Variants in PPP1R3A observed in about 807,000 individuals in gnomAD.
The protein encoded by PPP1R3A is protein phosphatase 1 regulatory subunit 3A.
A neutral mutation model predicts 41.7 loss-of-function variants in PPP1R3A; 29 were observed. That is an observed-to-expected ratio of 0.70 (90% confidence interval 0.52 to 0.95). The LOEUF is 0.95. Among genes scored for constraint, PPP1R3A ranks in the 40% least tolerant of loss-of-function variants. PPP1R3A has a pLI of 0.00. For missense variants in PPP1R3A, 1,352 were observed against 1,292.4 expected (o/e 1.05, Z -0.71); for synonymous variants, 485 against 453.4 (o/e 1.07, Z -0.89).
Position 113,879,943 on chromosome 7 carries a change from G to T in PPP1R3A, c.1149C>A (p.Ser383=). ...SLSPSSSAES[S]VKGDFYCNEK... Reference sequence around the variant, plus strand: ...CATTGCAGTAAAAATCTCCCTTTACGGAGCTTTCTGCTGATGAACTTGGAG... The same window carrying T: ...CATTGCAGTAAAAATCTCCCTTTACTGAGCTTTCTGCTGATGAACTTGGAG... The change falls in exon 4 of 4, where the codon TCC becomes TCA. Residue 383 remains serine, a synonymous_variant. Coordinates refer to ENST00000284601, the MANE Select transcript of PPP1R3A (RefSeq NM_002711.4). The T allele has an allele frequency of 6.2e-7, 1 of 1,613,466 alleles. No homozygotes were observed. The highest frequency in any genetic ancestry group is 8.5e-7 in the Non-Finnish European group (1 of 1,179,654).
intron 1 of PPP1R3A, among the ~76,000 whole-genome samples, chr7:113,913,348 C>T (rs1797283687): frequency 6.6e-6 from 1 of 152,104 alleles, no homozygotes; most frequent in African/African-American, 2.4e-5. Context: ...TTTCCCAATG[C>T]TTTTCTTGGC....
In PPP1R3A at chr7:113,880,680, G is replaced by A. The variant is rs576198133; in HGVS notation, c.967-555C>T. On this transcript the variant is annotated intron_variant, in intron 3 of 3. Coordinates refer to ENST00000284601, the MANE Select transcript of PPP1R3A (RefSeq NM_002711.4). ...AAATGTATTTGAGCTCTTCAGTGAT[G>A]CCAACTGTCAGGATTTAACAGTGAG... Among the ~76,000 whole-genome samples, 80 of 150,198 alleles carry A rather than the reference G, an allele frequency of 5.3e-4. 1 individual carries two copies. Among genetic ancestry groups the A allele is most frequent in the Non-Finnish European group, 1.0e-3 (71 of 67,634 alleles).
intron 1 of PPP1R3A, among the ~76,000 whole-genome samples, chr7:113,910,935 A>G (rs1348813455): frequency 1.3e-5 from 2 of 152,112 alleles, no homozygotes; most frequent in African/African-American, 4.8e-5. Context: ...CCTTTTTACT[A>G]CTGCAAATTT....
At chr7:113,902,432 C>T (rs1022355311) in intron 1 of PPP1R3A, among the ~76,000 whole-genome samples, 3 of 151,852 alleles carry the variant, frequency 2.0e-5, no homozygotes, top group African/African-American at 7.2e-5. Context: ...TCTAATTGTA[C>T]ACTACATCTC....
intron 1 of PPP1R3A, among the ~76,000 whole-genome samples, chr7:113,882,657 T>C (rs1277060288): frequency 2.0e-5 from 3 of 151,952 alleles, no homozygotes; most frequent in South Asian, 2.1e-4. Context: ...CTTCAATGAA[T>C]TTCATCTTTT....
chr7:113,904,558 C>G (rs943205114), intron 1 of PPP1R3A, among the ~76,000 whole-genome samples: 7 of 151,642 alleles, frequency 4.6e-5, no homozygotes, highest in African/African-American at 1.7e-4. Flanking sequence ...GAGATTCTTA[C>G]CTGGTTTTGT....
rs976127936 is a variant in PPP1R3A at position 113,879,762 on chromosome 7, G to T, written c.1330C>A (p.Pro444Thr). The T allele has an allele frequency of 6.2e-7, 1 of 1,613,326 alleles. No individual in the cohort carries two copies. Among genetic ancestry groups the T allele is most frequent in the Admixed American group, 1.7e-5 (1 of 59,908 alleles). The part of the protein sequence containing the change: ...SKEVLDDNAN[P>T]AHGNGTVQIP... ...TGCACTGTGCCATTGCCATGGGCTG[G>T]ATTAGCATTATCATCCAGGACTTCT... is the stretch of plus-strand genomic sequence containing the variant. The change falls in exon 4 of 4, where the codon CCA becomes ACA. Residue 444 changes from proline (P) to threonine (T), a missense_variant. Physicochemically the swap from Pro to Thr is conservative, Grantham distance 38. Coordinates refer to ENST00000284601, the MANE Select transcript of PPP1R3A (RefSeq NM_002711.4).
In PPP1R3A at chr7:113,878,037, C is replaced by G; in HGVS notation, c.3055G>C (p.Glu1019Gln). The G allele has an allele frequency of 6.2e-7, 1 of 1,613,276 alleles. No individual in the cohort carries two copies. Among genetic ancestry groups the G allele is most frequent in the Non-Finnish European group, 8.5e-7 (1 of 1,179,596 alleles). Residue 1019 changes from glutamate (E) to glutamine (Q), a missense_variant, in exon 4 of 4, where the codon GAG (glutamate) becomes CAG (glutamine). Glu to Gln is a conservative substitution (Grantham distance 29). Transcript: ENST00000284601. ...GPMILINKPL[E>Q]NMEEARHENE... ...TCATGCCTTGCTTCTTCCATATTCT[C>G]AAGAGGTTTGTTGATTAAAATCATT... is the stretch of plus-strand genomic sequence containing the variant.
rs1796659973 is a variant in PPP1R3A, at chr7:113,879,965, G to A, written c.1127C>T (p.Pro376Leu). The change falls in exon 4 of 4, where the codon CCA (proline) becomes CTA (leucine). Residue 376 changes from proline to leucine, a missense_variant. Physicochemically the swap from Pro to Leu is moderately conservative, Grantham distance 98. Transcript: ENST00000284601. ...CTDLFQRSLS[P>L]SSSAESSVKG... ...TACGGAGCTTTCTGCTGATGAACTT[G>A]GAGACAGAGACCTTTGGAACAAGTC... The A allele has an allele frequency of 1.2e-6, 2 of 1,613,384 alleles. No homozygotes were observed. The highest frequency in any genetic ancestry group is 1.7e-6 in the Non-Finnish European group (2 of 1,179,638).
At chr7:113,918,111 C>T in intron 1 of PPP1R3A, 104 bp downstream of exon 1, 1 of 1,118,312 alleles carries the variant, frequency 8.9e-7, no homozygotes, top group Non-Finnish European at 1.3e-6. Flanking sequence ...ACATAGCAAG[C>T]AGTATATTTT....
intron 1 of PPP1R3A, among the ~76,000 whole-genome samples, chr7:113,915,939 G>A (rs181578159): frequency 6.6e-6 from 1 of 152,024 alleles, no homozygotes; most frequent in African/African-American, 2.4e-5. Flanking sequence ...AGGAATATTT[G>A]AAACCCCATT....
In PPP1R3A at chr7:113,915,548, TATATACATATATAC is replaced by T. The variant is rs1216314648; in HGVS notation, c.782+2653_782+2666del. ...TCATATATATATATGTATGTATATGTATATACATATATACATATACATATATACATACATATACA... is the reference window on the plus strand; with the variant it reads ...TCATATATATATATGTATGTATATGTATATACATATATACATACATATACA... On this transcript the variant is annotated intron_variant, in intron 1 of 3. Transcript: ENST00000284601. Among the ~76,000 whole-genome samples the T allele has an allele frequency of 6.0e-5, 9 of 148,824 alleles. No homozygotes were observed. In the South Asian group the frequency reaches 1.0e-3, roughly 17 times the overall value.
intron 1 of PPP1R3A, among the ~76,000 whole-genome samples, chr7:113,898,557 G>T (rs1340600368): frequency 2.0e-5 from 3 of 151,762 alleles, no homozygotes; most frequent in African/African-American, 7.2e-5. Context: ...TTTTCTCTTT[G>T]ACCAAACTCT....
At chr7:113,890,080 T>TAA (rs34390564) in intron 1 of PPP1R3A, among the ~76,000 whole-genome samples, 263 of 146,388 alleles carry the variant, frequency 1.8e-3, no homozygotes, top group African/African-American at 5.3e-3. Flanking sequence ...ACTTTATCAG[T>TAA]AAAAAAAAAA....
chr7:113,895,839 G>T (rs1488050125), intron 1 of PPP1R3A, among the ~76,000 whole-genome samples: 2 of 151,856 alleles, frequency 1.3e-5, no homozygotes, highest in Non-Finnish European at 2.9e-5. Flanking sequence ...AAGTCTTAAA[G>T]CATTATTTCT....
chr7:113,891,571 T>A (rs757052860), intron 1 of PPP1R3A, among the ~76,000 whole-genome samples: 4 of 152,042 alleles, frequency 2.6e-5, no homozygotes, highest in Non-Finnish European at 5.9e-5. Flanking sequence ...ACAGTAACCT[T>A]TTATTTAAAA....
chr7:113,901,421 C>A (rs1797060069), intron 1 of PPP1R3A, among the ~76,000 whole-genome samples: 1 of 151,784 alleles, frequency 6.6e-6, no homozygotes, highest in South Asian at 2.1e-4. Context: ...ACAGGCATTG[C>A]ATAATTTCAC....
chr7:113,905,935 G>C (rs1797138805), intron 1 of PPP1R3A, among the ~76,000 whole-genome samples: 4 of 151,756 alleles, frequency 2.6e-5, no homozygotes, highest in South Asian at 4.1e-4. Context: ...GGTCCCACTG[G>C]TCTGAATCAT....
chr7:113,884,485 T>C (rs1319093894), intron 1 of PPP1R3A, among the ~76,000 whole-genome samples: 1 of 152,028 alleles, frequency 6.6e-6, no homozygotes, highest in East Asian at 1.9e-4. Flanking sequence ...AGAACATTGG[T>C]ATATGACTAA....
Sources: allele counts gnomAD v4.1 joint callset (sites outside exome capture counted in the v4.1 genomes callset), GRCh38; gene constraint gnomAD v4.1.1; transcripts MANE v1.5; gene names NCBI Gene and HGNC (gene_info 2026-07-23, HGNC 2026-07-21).